Variants in NOTCH3 observed in about 807,000 individuals in gnomAD.
NOTCH3 encodes the protein notch receptor 3.
NOTCH3 carries 86 observed loss-of-function variants against 213.3 expected under a neutral mutation model. The observed-to-expected ratio is 0.40, with a 90% CI of 0.34 to 0.48. The LOEUF (loss-of-function observed/expected upper bound fraction) is 0.48, where lower values mean the gene tolerates loss of function less well. NOTCH3 is among the 20% of genes least tolerant of loss of function. The probability of loss-of-function intolerance (pLI) is 0.57; values close to 1 mark genes in which losing one functional copy is unlikely to be tolerated. For synonymous variants in NOTCH3, 1,354 were observed against 1,355.9 expected (o/e 1.00, Z 0.03); for missense variants, 2,783 against 3,272.6 (o/e 0.85, Z 3.65).
intron 29 of NOTCH3, 22 bp downstream of exon 29, chr19:15,167,227 T>G (rs778287652): frequency 6.2e-7 from 1 of 1,606,364 alleles, no homozygotes. Context: ...GGCATCCCTT[T>G]GGGAGGGGCA....
chr19:15,164,278 G>A (rs2046667808), intron 31 of NOTCH3, among the ~76,000 whole-genome samples: 1 of 152,020 alleles, frequency 6.6e-6, no homozygotes, highest in African/African-American at 2.4e-5. Context: ...AGTGGCTCAT[G>A]CCTATAACCC....
chr19:15,185,321 C>T lies in NOTCH3; in HGVS notation c.2232G>A (p.Arg744=), dbSNP rs2145429494. ...CATCGCTGCTGCATGTCCCACCGGC[C>T]CTGCACGGCTGGGACTCACAGGCGT... ...ARDACESQPC[R]AGGTCSSDGM... is the part of the protein sequence containing the mutation. The change falls in exon 14 of 33, where the codon AGG becomes AGA. Residue 744 remains arginine, a synonymous_variant. Coordinates refer to ENST00000263388, the MANE Select transcript of NOTCH3 (RefSeq NM_000435.3). This position sits in a 1 kb window ranked among gnomAD's most constrained non-coding sequence, Gnocchi z 4.2. 2 of 1,612,678 alleles carry T rather than the reference C, an allele frequency of 1.2e-6. No homozygotes were observed. The highest frequency in any genetic ancestry group is 1.7e-6 in the Non-Finnish European group (2 of 1,179,858).
At chr19:15,200,009 G>A (rs2046999033) in intron 1 of NOTCH3, among the ~76,000 whole-genome samples, 1 of 151,530 alleles carries the variant, frequency 6.6e-6, no homozygotes, top group Non-Finnish European at 1.5e-5. Flanking sequence ...TAGACGGCGC[G>A]GCCATTGTCC....
intron 1 of NOTCH3, among the ~76,000 whole-genome samples, chr19:15,198,469 G>T (rs988827793): frequency 6.6e-6 from 1 of 152,116 alleles, no homozygotes; most frequent in Non-Finnish European, 1.5e-5. Flanking sequence ...AATAGAAAGC[G>T]GCCAGGCATG....
In NOTCH3 at chr19:15,192,434, T is replaced by G. The variant is rs777645491; in HGVS notation, c.283A>C (p.Ser95Arg). The G allele has an allele frequency of 6.6e-5, 106 of 1,612,398 alleles. No homozygotes were observed. Among genetic ancestry groups the G allele is most frequent in the Middle Eastern group, 1.6e-4 (1 of 6,084 alleles). ...CGGGCGGTGCCAGCCACCACTGAAC[T>G]CTGGCAGACACCACGGCCAGCACAG... ...GPCAGRGVCQSSVVAGTARFS... is the reference protein window; with the variant it reads ...GPCAGRGVCQRSVVAGTARFS... The change falls in exon 3 of 33, where the codon AGT becomes CGT. Residue 95 changes from serine to arginine, a missense_variant. Physicochemically the swap from Ser to Arg is moderately radical, Grantham distance 110. Around this residue, in one of 6 missense-constraint regions of NOTCH3, gnomAD observed 708 missense variants for 906.6 expected, o/e 0.78. Transcript: ENST00000263388.
At chr19:15,190,151 G>C (rs76445543) in intron 6 of NOTCH3, among the ~76,000 whole-genome samples, 1 of 152,074 alleles carries the variant, frequency 6.6e-6, no homozygotes, top group Non-Finnish European at 1.5e-5. Context: ...GCGCACGCCT[G>C]TAATCCCAGC....
rs1039939758 is a variant in NOTCH3 at position 15,185,300 on chromosome 19, G to A, written c.2253C>T (p.Ser751=). 19 of 1,611,908 alleles carry A rather than the reference G, an allele frequency of 1.2e-5. No homozygotes were observed. The highest frequency in any genetic ancestry group is 2.7e-5 in the African/African-American group (2 of 74,462). ...QPCRAGGTCS[S]DGMGFHCTCP... ...AGGTGCAGTGGAAACCCATTCCATC[G>A]CTGCTGCATGTCCCACCGGCCCTGC... is the stretch of plus-strand genomic sequence containing the variant. Residue 751 remains serine (S), a synonymous_variant, in exon 14 of 33, where the codon AGC becomes AGT. Coordinates refer to ENST00000263388, the MANE Select transcript of NOTCH3 (RefSeq NM_000435.3). The surrounding 1 kb of genome is among the most constrained non-coding windows in gnomAD (Gnocchi z 4.2).
rs749733387 is a variant in NOTCH3, at chr19:15,185,655, T to C, written c.1976A>G (p.Asn659Ser). ...GCCGCATGGGCTGGAAGCACACTCA[T>C]TGATCTCCACGTTACAAAGGGGCCC... ...FTGPLCNVEI[N>S]ECASSPCGEG... Residue 659 changes from asparagine (N) to serine (S), a missense_variant, in exon 13 of 33, where the codon AAT (asparagine) becomes AGT (serine). Physicochemically the swap from Asn to Ser is conservative, Grantham distance 46 (BLOSUM62 1). This residue lies in a region of NOTCH3 where 861 missense variants were observed against 909.1 expected (regional missense o/e 0.95). Transcript: ENST00000263388. The surrounding 1 kb of genome is among the most constrained non-coding windows in gnomAD (Gnocchi z 4.2). 1.2e-6 allele frequency: 2 copies of C among 1,613,462 alleles called. No individual in the cohort carries two copies. Among genetic ancestry groups the C allele is most frequent in the South Asian group, 1.1e-5 (1 of 91,076 alleles).
rs2046693439 is a variant in NOTCH3 at position 15,167,244 on chromosome 19, C to G, written c.5362+5G>C. 1 of 1,609,344 alleles carries G rather than the reference C, an allele frequency of 6.2e-7. No individual in the cohort carries two copies. The highest frequency in any genetic ancestry group is 1.3e-5 in the African/African-American group (1 of 74,866). The stretch of plus-strand genomic sequence containing the variant: ...CATCCCTTTGGGAGGGGCACTGTCA[C>G]TAACCTGGGCCACGCACATTGACAT... On this transcript the variant is annotated splice_donor_5th_base_variant and intron_variant, in intron 29 of 32. Transcript: ENST00000263388.
In NOTCH3 at chr19:15,177,827, C is replaced by A; in HGVS notation, c.4101G>T (p.Trp1367Cys). ...CGGGCGCCTCGCAGCGCGGCCCGGT[C>A]CAGCCCTGCGCGCAAGCGCAGCGGA... ...PFFRCACAQG[W>C]TGPRCEAPAA... The change falls in exon 24 of 33, where the codon TGG becomes TGT. Residue 1367 changes from tryptophan (W) to cysteine (C), a missense_variant. Trp to Cys is a radical substitution (Grantham distance 215). This residue lies in a region of NOTCH3 where 133 missense variants were observed against 201.9 expected (regional missense o/e 0.66). Transcript: ENST00000263388. The A allele has an allele frequency of 8.1e-7, 1 of 1,231,490 alleles. No individual in the cohort carries two copies. The highest frequency in any genetic ancestry group is 3.5e-5 in the South Asian group (1 of 28,548). 76.3% of individuals were successfully genotyped at this position (1,231,490 alleles called of 1,614,324 possible).
Position 15,160,834 on chromosome 19 carries a change from T to C in NOTCH3, c.6794A>G (p.Asp2265Gly). Residue 2265 changes from aspartate to glycine, a missense_variant, in exon 33 of 33, where the codon GAC becomes GGC. By Grantham distance (94) the Asp-to-Gly change is moderately conservative. Coordinates refer to ENST00000263388, the MANE Select transcript of NOTCH3 (RefSeq NM_000435.3). ...TGGGCTAGGCGTGGATTCGGACCAG[T>C]CTGAGAGGGAGGGAGGTGAGGGGCT... is the stretch of plus-strand genomic sequence containing the variant. Reference protein sequence around the residue: ...WASPSPPSLSDWSESTPSPAT... With the variant: ...WASPSPPSLSGWSESTPSPAT... 6.2e-7 allele frequency: 1 copy of C among 1,613,334 alleles called. No homozygotes were observed. Among genetic ancestry groups the C allele is most frequent in the Non-Finnish European group, 8.5e-7 (1 of 1,179,730 alleles).
At chr19:15,166,159 G>T in intron 29 of NOTCH3, 68 bp from the exon 30 acceptor site, 2 of 1,424,108 alleles carry the variant, frequency 1.4e-6, no homozygotes, top group Non-Finnish European at 2.0e-6. Context: ...GTTATCAAGG[G>T]TACCCCATTA....
At position 15,181,694 on chromosome 19, in the gene NOTCH3, G is replaced by A. The variant is rs773959180; in HGVS notation, c.2674C>T (p.Leu892=). Residue 892 remains leucine (L), a synonymous_variant, in exon 17 of 33, where the codon CTG becomes TTG. Coordinates refer to ENST00000263388, the MANE Select transcript of NOTCH3 (RefSeq NM_000435.3). The stretch of plus-strand genomic sequence containing the variant: ...GTGCCCGGGCCGCAGGGGTTGCTCA[G>A]GCACTCATCCACATCGCGGGCGCAT... ...PRCARDVDEC[L]SNPCGPGTCT... The A allele has an allele frequency of 5.8e-6, 9 of 1,563,432 alleles. No homozygotes were observed. The Admixed American group carries it at 1.1e-4, about 20-fold the overall frequency.
In NOTCH3 at chr19:15,192,177, G is replaced by C. The variant is rs2145442113; in HGVS notation, c.462C>G (p.Ser154Arg). 6.2e-7 allele frequency: 1 copy of C among 1,612,730 alleles called. No homozygotes were observed. Among genetic ancestry groups the C allele is most frequent in the South Asian group, 1.1e-5 (1 of 91,032 alleles). The change falls in exon 4 of 33, where the codon AGC becomes AGG. Residue 154 changes from serine (S) to arginine (R), a missense_variant. This residue lies in a region of NOTCH3 where 708 missense variants were observed against 906.6 expected (regional missense o/e 0.78). Transcript: ENST00000263388. ...GGCACTCATCCACGTCGCTTCGGCA[G>C]CTGCGGCCCTGGTAGCCAGGTGGGC... ...CSCPPGYQGR[S>R]CRSDVDECRV...
In NOTCH3 at chr19:15,161,304, CG is replaced by C; in HGVS notation, c.6323del (p.Pro2108ArgfsTer41). The C allele has an allele frequency of 6.5e-7, 1 of 1,532,460 alleles. No homozygotes were observed. Among genetic ancestry groups the C allele is most frequent in the Non-Finnish European group, 8.8e-7 (1 of 1,142,110 alleles). 94.9% of individuals were successfully genotyped at this position (1,532,460 alleles called of 1,614,324 possible). On this transcript the variant is annotated frameshift_variant, in exon 33 of 33. Transcript: ENST00000263388. LOFTEE classifies it low-confidence loss of function (END_TRUNC). ...AAGCAGGGGGCCCACCGAAAGGCCG[CG>C]GGGAGTCCAGCGAGTCCACGGGCGA... ...TLSPVDSLDS[P>X]RPFGGPPASP...
At position 15,187,325 on chromosome 19, in the gene NOTCH3, C is replaced by T. The variant is rs75617410; in HGVS notation, c.1620G>A (p.Thr540=). 20 of 1,613,372 alleles carry T rather than the reference C, an allele frequency of 1.2e-5. No homozygotes were observed. The highest frequency in any genetic ancestry group is 1.3e-5 in the African/African-American group (1 of 74,914). ...ECRCAEGFEG[T]LCDRNVDDCS... is the part of the protein sequence containing the mutation. Reference sequence around the variant, plus strand: ...AGTCGTCCACGTTGCGATCACACAGCGTGCCCTCAAAGCCTGTGGGGCCAA... The same window carrying T: ...AGTCGTCCACGTTGCGATCACACAGTGTGCCCTCAAAGCCTGTGGGGCCAA... Residue 540 remains threonine (T), a synonymous_variant, in exon 11 of 33, where the codon ACG becomes ACA. Coordinates refer to ENST00000263388, the MANE Select transcript of NOTCH3 (RefSeq NM_000435.3).
At chr19:15,166,237 A>G in intron 29 of NOTCH3, 146 bp from the exon 30 acceptor site, 1 of 730,686 alleles carries the variant, frequency 1.4e-6, no homozygotes, top group Non-Finnish European at 2.4e-6. Context: ...CACACCCAGA[A>G]TGAGGATTCG....
rs1172987380 is a variant in NOTCH3, at chr19:15,170,368, G to A, written c.5077C>T (p.Arg1693Trp). The change falls in exon 27 of 33, where the codon CGG (arginine) becomes TGG (tryptophan). Residue 1693 changes from arginine (R) to tryptophan (W), a missense_variant. Transcript: ENST00000263388. ...HKDVASGHKG[R>W]REPVGQDALG... ...GCGTCCTGGCCCACGGGTTCCCGCC[G>A]GCCCTTGTGACCAGAGGCCACGTCC... 6.2e-7 allele frequency: 1 copy of A among 1,613,758 alleles called. No individual in the cohort carries two copies. The highest frequency in any genetic ancestry group is 8.5e-7 in the Non-Finnish European group (1 of 1,180,012).
At position 15,171,220 on chromosome 19, in the gene NOTCH3, G is replaced by T. The variant is rs949735489; in HGVS notation, c.4737-395C>A. On this transcript the variant is annotated intron_variant, in intron 25 of 32. Transcript: ENST00000263388. ...TTTTTGTATTTTTAGTAGAGACGGG[G>T]TTTCACCACGTTGGCCAGGCTGGTC... Among the ~76,000 whole-genome samples the T allele has an allele frequency of 1.4e-4, 22 of 152,234 alleles. No individual in the cohort carries two copies. The East Asian group carries it at 4.3e-3, about 29-fold the overall frequency.
Sources: gnomAD v4.1 joint callset for allele counts (sites outside exome capture counted in the v4.1 genomes callset) on GRCh38, gnomAD v4.1.1 for gene constraint, gnomAD v4.1.1 regional missense constraint, Gnocchi (gnomAD v3.1) non-coding constraint, MANE v1.5 for transcripts, NCBI Gene and HGNC (gene_info 2026-07-23, HGNC 2026-07-21) for gene names.